Variants in CAST observed in about 807,000 individuals in gnomAD.
The protein encoded by CAST is MIR583 host.
CAST carries 76 observed loss-of-function variants against 119.6 expected under a neutral mutation model. The observed-to-expected ratio is 0.64, with a 90% CI of 0.53 to 0.77. The LOEUF (loss-of-function observed/expected upper bound fraction) is 0.77. CAST is among the 30% of genes least tolerant of loss of function. The pLI is 0.00. For synonymous variants in CAST, 319 were observed against 331.6 expected (o/e 0.96, Z 0.41); for missense variants, 953 against 946.5 (o/e 1.01, Z -0.09).
chr5:96,344,231 T>C, the CAST span, among the ~76,000 whole-genome samples: 5 of 152,146 alleles, frequency 3.3e-5, no homozygotes, highest in Non-Finnish European at 4.4e-5. Flanking sequence ...TGAGTCTGTA[T>C]GTATAGGAGG....
chr5:96,170,116 TA>T, the CAST span, among the ~76,000 whole-genome samples: 1 of 152,300 alleles, frequency 6.6e-6, no homozygotes, highest in Non-Finnish European at 1.5e-5. Context: ...CGTGATGGTC[TA>T]GGGGGCTTCC....
At chr5:96,394,638 T>G in the CAST span, among the ~76,000 whole-genome samples, 1 of 152,226 alleles carries the variant, frequency 6.6e-6, no homozygotes, top group Non-Finnish European at 1.5e-5. Context: ...GTTAGGAAAT[T>G]TAATACTTTT....
intron 21 of CAST, 129 bp downstream of exon 21, chr5:96,754,290 T>G (rs1765803455): frequency 5.8e-6 from 4 of 693,266 alleles, no homozygotes; most frequent in Admixed American, 2.1e-5. Flanking sequence ...TTTTCTATTA[T>G]TGTGCATATC....
chr5:96,666,163 A>C (rs553574820), intron 1 of CAST, among the ~76,000 whole-genome samples: 2 of 152,286 alleles, frequency 1.3e-5, no homozygotes, highest in African/African-American at 4.8e-5. Context: ...CATGCCACCT[A>C]TAAAGCTAGT....
chr5:96,511,829 T>C, the CAST span, among the ~76,000 whole-genome samples: 1 of 152,236 alleles, frequency 6.6e-6, no homozygotes, highest in Non-Finnish European at 1.5e-5. Flanking sequence ...ATCTGAGTGC[T>C]TCTCTCTCAT....
chr5:95,991,514 T>G, the CAST span, among the ~76,000 whole-genome samples: 1 of 145,286 alleles, frequency 6.9e-6, no homozygotes. Flanking sequence ...TTTTTTTTTT[T>G]TTTTTTTTGA....
chr5:96,151,243 G>A, the CAST span, among the ~76,000 whole-genome samples: 8 of 152,318 alleles, frequency 5.3e-5, no homozygotes, highest in African/African-American at 1.9e-4. Context: ...AAGAGGCAGA[G>A]GAAGGAGAGG....
chr5:96,440,117 C>T, the CAST span, among the ~76,000 whole-genome samples: 18 of 151,634 alleles, frequency 1.2e-4, no homozygotes, highest in African/African-American at 4.1e-4. Context: ...ACAGTGACCC[C>T]TACAGTTCTC....
At chr5:96,241,596 G>C in the CAST span, among the ~76,000 whole-genome samples, 2 of 145,576 alleles carry the variant, frequency 1.4e-5, no homozygotes, top group African/African-American at 5.0e-5. Flanking sequence ...GGATGGCTGG[G>C]TCAAATGGTA....
chr5:96,183,300 G>A, the CAST span, among the ~76,000 whole-genome samples: 1 of 151,346 alleles, frequency 6.6e-6, no homozygotes, highest in South Asian at 2.1e-4. Context: ...ACATTGGTAT[G>A]TAATTTGCTA....
chr5:96,568,027 T>A (rs532001949), intron 1 of CAST, among the ~76,000 whole-genome samples: 2 of 152,308 alleles, frequency 1.3e-5, no homozygotes, highest in East Asian at 3.9e-4. Context: ...GGGGTTTAGA[T>A]TTCTTAGACT....
the CAST span, among the ~76,000 whole-genome samples, chr5:96,332,063 T>A: frequency 1.3e-5 from 2 of 152,186 alleles, no homozygotes; most frequent in Non-Finnish European, 2.9e-5. Context: ...GTAAGTGATC[T>A]GGGATAAAGG....
At chr5:96,172,476 C>A in the CAST span, among the ~76,000 whole-genome samples, 1 of 152,116 alleles carries the variant, frequency 6.6e-6, no homozygotes, top group East Asian at 1.9e-4. Flanking sequence ...GTAGTGATTT[C>A]AAATATACAT....
chr5:96,618,248 G>C (rs1398970569), intron 1 of CAST, among the ~76,000 whole-genome samples: 1 of 152,328 alleles, frequency 6.6e-6, no homozygotes. Flanking sequence ...TGAGCTCTGT[G>C]CTTCTTGGCT....
At chr5:96,009,737 G>T in the CAST span, among the ~76,000 whole-genome samples, 3 of 152,126 alleles carry the variant, frequency 2.0e-5, no homozygotes, top group East Asian at 5.8e-4. Flanking sequence ...CTCCCATTCT[G>T]TAGGTTATCT....
At chr5:96,345,491 G>A in the CAST span, among the ~76,000 whole-genome samples, 5 of 152,046 alleles carry the variant, frequency 3.3e-5, no homozygotes, top group South Asian at 6.2e-4. Flanking sequence ...CACTTTCTAC[G>A]TCTAACTCAG....
chr5:96,561,934 A>AT (rs1746378909), intron 1 of CAST, among the ~76,000 whole-genome samples: 1 of 113,280 alleles, frequency 8.8e-6, no homozygotes, highest in African/African-American at 2.9e-5. Context: ...CTGGGACTAC[A>AT]GACGCCCGCT....
intron 1 of CAST, among the ~76,000 whole-genome samples, chr5:96,631,874 G>C (rs1747824044): frequency 6.6e-6 from 1 of 152,100 alleles, no homozygotes; most frequent in Admixed American, 6.5e-5. Flanking sequence ...GAGTGGAATT[G>C]CCGGGTCATA....
At chr5:96,532,457 G>C (rs916875289) in intron 1 of CAST, among the ~76,000 whole-genome samples, 2 of 152,202 alleles carry the variant, frequency 1.3e-5, no homozygotes, top group Admixed American at 6.5e-5. Context: ...GCGCATGCCT[G>C]TAATCCCAGC....
Sources: allele counts gnomAD v4.1 joint callset (sites outside exome capture counted in the v4.1 genomes callset), GRCh38; gene constraint gnomAD v4.1.1; transcripts MANE v1.5; gene names NCBI Gene and HGNC (gene_info 2026-07-23, HGNC 2026-07-21).